The following SBF1 variants were observed in gnomAD, a reference collection of about 807,000 sequenced individuals.
The protein encoded by SBF1 is SET binding factor 1.
SBF1 carries 65 observed loss-of-function variants against 215.8 expected under a neutral mutation model. The observed-to-expected ratio is 0.30, with a 90% confidence interval of 0.25 to 0.37. SBF1 has a LOEUF of 0.37. Among genes scored for constraint, SBF1 ranks in the 10% least tolerant of loss-of-function variants. The pLI is 1.00. For missense variants in SBF1, 2,634 were observed against 2,667.8 expected (o/e 0.99, Z 0.28); for synonymous variants, 1,410 against 1,122.8 (o/e 1.26, Z -5.11).
At chr22:50,464,220 A>T in intron 15 of SBF1, 109 bp downstream of exon 15, 2 of 908,770 alleles carry the variant, frequency 2.2e-6, no homozygotes, top group Non-Finnish European at 3.4e-6. Flanking sequence ...GCTGTCTGTT[A>T]GGCAGAGGAG....
chr22:50,469,448 T>A (rs2148609886), intron 1 of SBF1, among the ~76,000 whole-genome samples: 2 of 152,308 alleles, frequency 1.3e-5, no homozygotes, highest in East Asian at 3.9e-4. Context: ...GGTCCCTGCC[T>A]GTGGCTCACC....
At chr22:50,463,853 GA>G (rs1206721692) in intron 15 of SBF1, among the ~76,000 whole-genome samples, 1 of 152,256 alleles carries the variant, frequency 6.6e-6, no homozygotes, top group East Asian at 1.9e-4. Flanking sequence ...TACAGCCAAT[GA>G]AAAACAAGAG....
chr22:50,473,106 C>A (rs2068052728), intron 1 of SBF1, among the ~76,000 whole-genome samples: 1 of 151,012 alleles, frequency 6.6e-6, no homozygotes, highest in African/African-American at 2.5e-5. Context: ...GCCCACTCTG[C>A]CTCTTCTCTC....
At position 50,459,239 on chromosome 22, in the gene SBF1, C is replaced by T. The variant is rs781217972; in HGVS notation, c.3826+16G>A. On this transcript the variant is annotated intron_variant, in intron 28 of 40. Coordinates refer to ENST00000380817, the MANE Select transcript of SBF1 (RefSeq NM_002972.4). Reference sequence around the variant, plus strand: ...AAAGTGCCCCTGCCCCACCGTCTGCCCACAAGCACCCTCACCGTGACTGCC... The same window carrying T: ...AAAGTGCCCCTGCCCCACCGTCTGCTCACAAGCACCCTCACCGTGACTGCC... The T allele has an allele frequency of 8.2e-6, 13 of 1,588,578 alleles. No individual in the cohort carries two copies. Among genetic ancestry groups the T allele is most frequent in the South Asian group, 1.1e-5 (1 of 89,752 alleles).
rs1037153234 is a variant in SBF1 at position 50,460,157 on chromosome 22, A to C, written c.3286T>G (p.Ser1096Ala). ...PEDQEDEISV[S>A]EELEPSTLTP... Reference sequence around the variant, plus strand: ...AGCGTGCTGGGCTCCAGCTCCTCCGACACTGCACAGGCCGGGCACACGTGG... The same window carrying C: ...AGCGTGCTGGGCTCCAGCTCCTCCGCCACTGCACAGGCCGGGCACACGTGG... Residue 1096 changes from serine to alanine, a missense_variant and splice_region_variant, in exon 26 of 41, where the codon TCG becomes GCG. Physicochemically the swap from Ser to Ala is moderately conservative, Grantham distance 99. Coordinates refer to ENST00000380817, the MANE Select transcript of SBF1 (RefSeq NM_002972.4). 7 of 1,611,026 alleles carry C rather than the reference A, an allele frequency of 4.3e-6. No individual in the cohort carries two copies. In the African/African-American group the frequency reaches 9.3e-5, roughly 22 times the overall value.
rs2067725464 is a variant in SBF1 at position 50,465,799 on chromosome 22, A to G, written c.1053T>C (p.Pro351=). 1 of 1,611,176 alleles carries G rather than the reference A, an allele frequency of 6.2e-7. No homozygotes were observed. Residue 351 remains proline, a synonymous_variant, in exon 10 of 41, where the codon CCT becomes CCC. Coordinates refer to ENST00000380817, the MANE Select transcript of SBF1 (RefSeq NM_002972.4). ...PELELADLAF[P]PPTTSTSSLK... ...GGGAGGAGGTGGATGTCGTGGGCGG[A>G]GGGAAGGCGAGGTCAGCCAACTCCA...
chr22:50,458,299 C>T (rs1164043441), intron 28 of SBF1, among the ~76,000 whole-genome samples: 11 of 115,360 alleles, frequency 9.5e-5, no homozygotes, highest in Admixed American at 4.0e-4. Flanking sequence ...AGAAAGACTC[C>T]GACTCAAAAA....
chr22:50,462,014 C>T lies in SBF1; in HGVS notation c.2502G>A (p.Val834=), dbSNP rs201203951. ...CCCCACTCTCCGTGCAGACCTTGTC[C>T]ACAAAGCGGTTGATGAAGCGGACCA... ...GAVVRFINRF[V]DKVCTESGVT... is the part of the protein sequence containing the mutation. The change falls in exon 20 of 41, where the codon GTG becomes GTA. Residue 834 remains valine (V), a synonymous_variant. Transcript: ENST00000380817. 1.5e-4 allele frequency: 249 copies of T among 1,614,222 alleles called. No homozygotes were observed. Among genetic ancestry groups the T allele is most frequent in the Non-Finnish European group, 5.6e-5 (66 of 1,180,044 alleles).
chr22:50,471,505 C>G (rs916204007), intron 1 of SBF1, among the ~76,000 whole-genome samples: 1 of 152,194 alleles, frequency 6.6e-6, no homozygotes, highest in Non-Finnish European at 1.5e-5. Context: ...CCACAGTGCA[C>G]GAAGACCAGC....
intron 2 of SBF1, 93 bp downstream of exon 2, chr22:50,468,283 A>G: frequency 1.6e-6 from 2 of 1,216,424 alleles, no homozygotes; most frequent in Non-Finnish European, 2.4e-6. Flanking sequence ...GGGGCCGGGC[A>G]CTGTGGAGGC....
chr22:50,456,672 A>C lies in SBF1; in HGVS notation c.3906T>G (p.Gly1302=), dbSNP rs1388845710. ...ASASRRTAPR[G]KWGSVRTSGR... ...CACTGGTCCGGACACTGCCCCACTTACCTGTGAAGGAGATGCCAGGTAAGC... is the reference window on the plus strand; with the variant it reads ...CACTGGTCCGGACACTGCCCCACTTCCCTGTGAAGGAGATGCCAGGTAAGC... The change falls in exon 30 of 41, where the codon GGT becomes GGG. Residue 1302 remains glycine, a splice_region_variant and synonymous_variant. Coordinates refer to ENST00000380817, the MANE Select transcript of SBF1 (RefSeq NM_002972.4). 1.4e-6 allele frequency: 2 copies of C among 1,470,812 alleles called. No individual in the cohort carries two copies. Among genetic ancestry groups the C allele is most frequent in the Non-Finnish European group, 1.8e-6 (2 of 1,109,540 alleles). 91.1% of individuals were successfully genotyped at this position (1,470,812 alleles called of 1,614,324 possible).
Position 50,464,824 on chromosome 22 carries a change from T to C in SBF1, c.1426A>G (p.Lys476Glu), listed in dbSNP as rs9617016. Residue 476 changes from lysine to glutamate, a missense_variant, in exon 13 of 41, where the codon AAG (lysine) becomes GAG (glutamate). Lys to Glu is a moderately conservative substitution (Grantham distance 56). Transcript: ENST00000380817. ...HVQELAEQLY[K>E]NENPYPAVAM... is the part of the protein sequence containing the mutation. ...CCGTCCTGCTACCCTCGTACGTTCT[T>C]GTAGAGCTGCTCTGCCAGTTCCTGG... 9.1e-4 allele frequency: 1,475 copies of C among 1,613,494 alleles called. 2 individuals are homozygous for C. The highest frequency in any genetic ancestry group is 1.2e-3 in the Non-Finnish European group (1,423 of 1,179,992).
At position 50,467,076 on chromosome 22, in the gene SBF1, A is replaced by G. The variant is rs1156272781; in HGVS notation, c.549+262T>C. On this transcript the variant is annotated intron_variant, in intron 5 of 40. Transcript: ENST00000380817. ...CCAGGCACAGGGCAGGGAGCAGACA[A>G]ACAAGCTGACATCAACATCCAGAGA... 5.1e-6 allele frequency: 3 copies of G among 585,068 alleles called. No homozygotes were observed. In the African/African-American group the frequency reaches 5.6e-5, roughly 11 times the overall value. 36.2% of individuals were successfully genotyped at this position (585,068 alleles called of 1,614,324 possible). A position where few individuals can be genotyped will look rare whatever the true frequency, so the allele number is the denominator to read the frequency against.
chr22:50,458,556 T>A (rs190113301), intron 28 of SBF1, among the ~76,000 whole-genome samples: 1 of 151,926 alleles, frequency 6.6e-6, no homozygotes, highest in South Asian at 2.1e-4. Flanking sequence ...GACAGGGCGA[T>A]TGTAAAATGT....
chr22:50,447,537 G>A lies in SBF1; in HGVS notation c.5436C>T (p.Asp1812=), dbSNP rs757519557. 6.2e-7 allele frequency: 1 copy of A among 1,610,362 alleles called. No individual in the cohort carries two copies. The highest frequency in any genetic ancestry group is 1.1e-5 in the South Asian group (1 of 90,992). Residue 1812 remains aspartate, a synonymous_variant, in exon 39 of 41, where the codon GAC becomes GAT. Coordinates refer to ENST00000380817, the MANE Select transcript of SBF1 (RefSeq NM_002972.4). ...GATCACTCACCTGGTGCTTGGTCTT[G>A]TCCAGCACGAACCAGCGGGCCTTCC... ...KPWKARWFVL[D]KTKHQLRYYD...
At position 50,454,659 on chromosome 22, in the gene SBF1, A is replaced by G. The variant is rs766463885; in HGVS notation, c.4896T>C (p.Tyr1632=). The change falls in exon 36 of 41, where the codon TAT becomes TAC. Residue 1632 remains tyrosine (Y), a synonymous_variant. Coordinates refer to ENST00000380817, the MANE Select transcript of SBF1 (RefSeq NM_002972.4). ...TEETLAEGPP[Y]DWELAQGPPE... is the part of the protein sequence containing the mutation. ...GGGGCCCCTGGGCCAGTTCCCAGTC[A>G]TAGGGAGGGCCCTCGGCCAGCGTCT... is the stretch of plus-strand genomic sequence containing the variant. 3 of 1,586,052 alleles carry G rather than the reference A, an allele frequency of 1.9e-6. No individual in the cohort carries two copies. The highest frequency in any genetic ancestry group is 1.8e-5 in the Admixed American group (1 of 56,068).
At chr22:50,471,112 C>CCCTCCCCACT (rs1346791708) in intron 1 of SBF1, among the ~76,000 whole-genome samples, 4 of 152,148 alleles carry the variant, frequency 2.6e-5, no homozygotes, top group South Asian at 2.1e-4. Context: ...AGGGAGGGTG[C>CCCTCCCCACT]CCTCCCCACT....
At chr22:50,470,857 A>G (rs993359965) in intron 1 of SBF1, among the ~76,000 whole-genome samples, 2 of 152,218 alleles carry the variant, frequency 1.3e-5, no homozygotes, top group African/African-American at 4.8e-5. Flanking sequence ...AAGGCAGGCC[A>G]TGGAGGGCCC....
chr22:50,459,690 G>C, intron 26 of SBF1, 24 bp from the exon 27 acceptor site: 1 of 1,576,296 alleles, frequency 6.3e-7, no homozygotes, highest in Non-Finnish European at 8.6e-7. Flanking sequence ...GAGGCGTGAA[G>C]GTGGCTGGCG....
Sources: allele counts gnomAD v4.1 joint callset (sites outside exome capture counted in the v4.1 genomes callset), GRCh38; gene constraint gnomAD v4.1.1; transcripts MANE v1.5; gene names NCBI Gene and HGNC (gene_info 2026-07-23, HGNC 2026-07-21).